The following SUCLG2 variants were observed in gnomAD, a reference collection of about 807,000 sequenced individuals.
SUCLG2 encodes succinate-CoA ligase GDP-forming subunit beta, also known as succinate--CoA ligase [GDP-forming] subunit beta, mitochondrial.
SUCLG2 carries 42 observed loss-of-function variants against 47.9 expected under a neutral mutation model. The observed-to-expected ratio is 0.88, with a 90% CI of 0.69 to 1.14. SUCLG2 has a LOEUF of 1.14. Among genes scored for constraint, SUCLG2 ranks in the 50% most tolerant of loss-of-function variants. SUCLG2 has a pLI of 0.00. For missense variants in SUCLG2, 571 were observed against 525.9 expected (o/e 1.09, Z -0.84); for synonymous variants, 195 against 197.3 (o/e 0.99, Z 0.10).
intron 2 of SUCLG2, among the ~76,000 whole-genome samples, chr3:67,574,309 T>G (rs1016847354): frequency 1.3e-5 from 2 of 152,192 alleles, no homozygotes; most frequent in African/African-American, 4.8e-5. Flanking sequence ...ATTCACAGGT[T>G]CCAGGGCTTA....
chr3:67,394,938 G>T (rs1165547464), intron 10 of SUCLG2, among the ~76,000 whole-genome samples: 1 of 152,050 alleles, frequency 6.6e-6, no homozygotes, highest in African/African-American at 2.4e-5. Context: ...CATAAGTGAA[G>T]GAGAAATGAA....
chr3:67,541,466 A>C (rs1706709392), intron 2 of SUCLG2, among the ~76,000 whole-genome samples: 1 of 152,152 alleles, frequency 6.6e-6, no homozygotes, highest in African/African-American at 2.4e-5. Context: ...AGATTACAGA[A>C]AAAAGAGTGA....
intron 2 of SUCLG2, among the ~76,000 whole-genome samples, chr3:67,594,661 T>G (rs1708251785): frequency 6.6e-6 from 1 of 152,244 alleles, no homozygotes. Flanking sequence ...ATATTCAAAC[T>G]ATTTTCTGCA....
intron 10 of SUCLG2, among the ~76,000 whole-genome samples, chr3:67,394,587 G>A (rs1184937629): frequency 6.6e-6 from 1 of 151,940 alleles, no homozygotes; most frequent in Non-Finnish European, 1.5e-5. Flanking sequence ...AACTAAGTTG[G>A]AAAACACTCT....
intron 7 of SUCLG2, among the ~76,000 whole-genome samples, chr3:67,505,716 C>T (rs1339736686): frequency 6.6e-6 from 1 of 152,202 alleles, no homozygotes; most frequent in African/African-American, 2.4e-5. Flanking sequence ...AATCCCAGCA[C>T]TTTGGGAGGC....
chr3:67,609,625 A>G (rs2290175), intron 1 of SUCLG2, 29 bp from the exon 2 acceptor site: 707,871 of 1,599,300 alleles, frequency 0.44, 161,293 homozygotes, highest in African/African-American at 0.65. Context: ...AGAGGTAAGA[A>G]CATTCATTAA....
intron 9 of SUCLG2, among the ~76,000 whole-genome samples, chr3:67,401,671 G>T (rs995970573): frequency 9.3e-5 from 14 of 150,890 alleles, no homozygotes; most frequent in Non-Finnish European, 1.3e-4. Context: ...ATAATGAAGA[G>T]AATTCATTAC....
At chr3:67,510,627 A>G (rs1222296366) in intron 6 of SUCLG2, among the ~76,000 whole-genome samples, 8 of 152,212 alleles carry the variant, frequency 5.3e-5, no homozygotes, top group Non-Finnish European at 1.0e-4. Context: ...GAGACACTTC[A>G]TCAGCAACAC....
intron 1 of SUCLG2, among the ~76,000 whole-genome samples, chr3:67,644,596 T>C (rs6793868): frequency 0.39 from 58,619 of 151,668 alleles, 11,904 homozygotes; most frequent in African/African-American, 0.49. Flanking sequence ...TATAACAATG[T>C]CCGAGTATGG....
At chr3:67,530,364 A>G (rs911212680) in intron 2 of SUCLG2, among the ~76,000 whole-genome samples, 1 of 152,196 alleles carries the variant, frequency 6.6e-6, no homozygotes, top group African/African-American at 2.4e-5. Context: ...TATTGCCTCG[A>G]CCAGTTAGTT....
At chr3:67,538,130 A>G (rs1706597902) in intron 2 of SUCLG2, among the ~76,000 whole-genome samples, 1 of 152,154 alleles carries the variant, frequency 6.6e-6, no homozygotes, top group Non-Finnish European at 1.5e-5. Flanking sequence ...CGTTTTAGTC[A>G]TGAAGTCTCT....
chr3:67,387,412 C>A (rs6791324), intron 10 of SUCLG2, among the ~76,000 whole-genome samples: 32,049 of 151,986 alleles, frequency 0.21, 3,894 homozygotes, highest in African/African-American at 0.32. Flanking sequence ...CTCTATCAGC[C>A]AATTATATTA....
intron 9 of SUCLG2, among the ~76,000 whole-genome samples, chr3:67,471,161 G>T (rs1026299587): frequency 6.6e-6 from 1 of 152,150 alleles, no homozygotes; most frequent in African/African-American, 2.4e-5. Flanking sequence ...TTGGAGAAAT[G>T]ATTATTTAAA....
intron 4 of SUCLG2, among the ~76,000 whole-genome samples, chr3:67,522,934 G>A (rs1706156684): frequency 6.6e-6 from 1 of 151,904 alleles, no homozygotes; most frequent in South Asian, 2.1e-4. Context: ...AAAGTGCTGG[G>A]ATTACAGGCA....
rs1392634841 is a variant in SUCLG2, at chr3:67,514,221, G to A, written c.660+4026C>T. ...TCTTGGGAGCTTTGTGTGGAATTAG[G>A]CACCTGTTCTTCTGGTATGATGTAT... On this transcript the variant is annotated intron_variant, in intron 6 of 10. Coordinates refer to ENST00000307227, the MANE Select transcript of SUCLG2 (RefSeq NM_003848.4). 3.2e-5 allele frequency: 12 copies of A among 377,046 alleles called. No homozygotes were observed. In the Admixed American group the frequency reaches 3.6e-4, roughly 11 times the overall value. The allele number at this position is 377,046 out of a possible 1,614,324, so 23.4% of individuals were successfully genotyped here.
chr3:67,621,136 A>G (rs1700729374), intron 1 of SUCLG2, among the ~76,000 whole-genome samples: 4 of 152,322 alleles, frequency 2.6e-5, no homozygotes, highest in East Asian at 1.9e-4. Context: ...CTAGCCATCA[A>G]TCATAAATAA....
intron 1 of SUCLG2, among the ~76,000 whole-genome samples, chr3:67,623,958 C>G (rs1215541112): frequency 6.6e-6 from 1 of 152,216 alleles, no homozygotes; most frequent in East Asian, 1.9e-4. Flanking sequence ...TCACAGGGCC[C>G]TGCTACCATC....
chr3:67,553,849 GTTACT>G (rs527792659), intron 2 of SUCLG2, among the ~76,000 whole-genome samples: 55 of 152,256 alleles, frequency 3.6e-4, no homozygotes, highest in African/African-American at 1.2e-3. Context: ...TACTTTGTCA[GTTACT>G]TTAATATTCC....
intron 2 of SUCLG2, among the ~76,000 whole-genome samples, chr3:67,571,952 T>A (rs1298554710): frequency 6.6e-6 from 1 of 152,216 alleles, no homozygotes; most frequent in African/African-American, 2.4e-5. Flanking sequence ...AAACAAAGTT[T>A]ATATCACATA....
Sources: gnomAD v4.1 joint callset for allele counts (sites outside exome capture counted in the v4.1 genomes callset) on GRCh38, gnomAD v4.1.1 for gene constraint, MANE v1.5 for transcripts, NCBI Gene and HGNC (gene_info 2026-07-23, HGNC 2026-07-21) for gene names.